PRR16: variants seen among roughly 807,000 people sequenced by gnomAD.
PRR16 encodes proline rich 16.
A neutral mutation model predicts 18.2 loss-of-function variants in PRR16; 6 were observed. That is an observed-to-expected ratio of 0.33 (90% confidence interval 0.18 to 0.65). PRR16 has a LOEUF of 0.65. Ranked by LOEUF, PRR16 falls within the 30% of genes least tolerant of loss-of-function variation. The probability of loss-of-function intolerance (pLI) is 0.74; values close to 1 mark genes in which losing one functional copy is unlikely to be tolerated. For missense variants in PRR16, 412 were observed against 376.6 expected (o/e 1.09, Z -0.78); for synonymous variants, 151 against 147.8 (o/e 1.02, Z -0.16).
chr5:120,737,010 G>A, the PRR16 span, among the ~76,000 whole-genome samples: 1 of 152,176 alleles, frequency 6.6e-6, no homozygotes, highest in African/African-American at 2.4e-5. Context: ...GATCTTTAGA[G>A]TGTTCTACAC....
At chr5:120,694,877 G>A in the PRR16 span, among the ~76,000 whole-genome samples, 1 of 152,018 alleles carries the variant, frequency 6.6e-6, no homozygotes, top group Non-Finnish European at 1.5e-5. Context: ...ATTCATACAA[G>A]AATAAACCAT....
chr5:120,704,356 T>TC, the PRR16 span, among the ~76,000 whole-genome samples: 1 of 152,084 alleles, frequency 6.6e-6, no homozygotes, highest in Non-Finnish European at 1.5e-5. Flanking sequence ...TTTCTTTTTT[T>TC]CCCTCCTTTC....
At chr5:120,506,193 A>G (rs1489056201) in intron 1 of PRR16, among the ~76,000 whole-genome samples, 1 of 152,020 alleles carries the variant, frequency 6.6e-6, no homozygotes, top group Non-Finnish European at 1.5e-5. Flanking sequence ...TTGAGTTACC[A>G]TGTGGGTATG....
intron 1 of PRR16, among the ~76,000 whole-genome samples, chr5:120,645,390 C>G (rs112311242): frequency 2.0e-5 from 3 of 150,510 alleles, no homozygotes; most frequent in South Asian, 2.1e-4. Flanking sequence ...CCATCCCCCC[C>G]CCACACACAC....
chr5:120,666,920 C>G (rs1359563421), intron 1 of PRR16, among the ~76,000 whole-genome samples: 3 of 145,098 alleles, frequency 2.1e-5, no homozygotes, highest in Non-Finnish European at 4.5e-5. Flanking sequence ...CTAAAATTCT[C>G]TTTTTTGGTT....
At chr5:120,571,126 T>A (rs1752892835) in intron 1 of PRR16, among the ~76,000 whole-genome samples, 1 of 152,196 alleles carries the variant, frequency 6.6e-6, no homozygotes, top group Non-Finnish European at 1.5e-5. Context: ...TGTGCTTTTA[T>A]AAGCTTGTGA....
intron 1 of PRR16, among the ~76,000 whole-genome samples, chr5:120,565,875 G>A (rs1412295203): frequency 6.6e-6 from 1 of 152,144 alleles, no homozygotes; most frequent in East Asian, 1.9e-4. Context: ...TTCTGTCACA[G>A]TATTTGACAC....
chr5:120,746,716 C>T, the PRR16 span, among the ~76,000 whole-genome samples: 9 of 151,764 alleles, frequency 5.9e-5, no homozygotes, highest in African/African-American at 2.2e-4. Context: ...TTTTCAAAAG[C>T]TCCTGGAGGT....
chr5:120,527,149 A>G (rs1751398685), intron 1 of PRR16, among the ~76,000 whole-genome samples: 1 of 152,184 alleles, frequency 6.6e-6, no homozygotes, highest in African/African-American at 2.4e-5. Flanking sequence ...CCAGATAGGA[A>G]CTATTTTAGG....
chr5:120,556,619 C>T (rs926132335), intron 1 of PRR16, among the ~76,000 whole-genome samples: 4 of 151,884 alleles, frequency 2.6e-5, no homozygotes, highest in African/African-American at 9.7e-5. Context: ...TTCATCTTTG[C>T]CATTTGCATG....
intron 1 of PRR16, among the ~76,000 whole-genome samples, chr5:120,667,029 G>T (rs1262249444): frequency 6.6e-6 from 1 of 150,912 alleles, no homozygotes; most frequent in African/African-American, 2.4e-5. Context: ...GTTTCAGAAG[G>T]AATGGTACCA....
chr5:120,562,693 T>C (rs1330291280), intron 1 of PRR16, among the ~76,000 whole-genome samples: 2 of 152,178 alleles, frequency 1.3e-5, no homozygotes, highest in Non-Finnish European at 2.9e-5. Context: ...AATACTGTCT[T>C]ATAACTCATT....
chr5:120,526,595 A>G (rs113524901), intron 1 of PRR16, among the ~76,000 whole-genome samples: 2 of 152,198 alleles, frequency 1.3e-5, no homozygotes, highest in African/African-American at 4.8e-5. Flanking sequence ...AGCCACTGCC[A>G]CATGTATCAA....
intron 1 of PRR16, among the ~76,000 whole-genome samples, chr5:120,677,498 A>G (rs1200671643): frequency 6.6e-6 from 1 of 152,156 alleles, no homozygotes; most frequent in Non-Finnish European, 1.5e-5. Flanking sequence ...AGAAATTCCT[A>G]TAGCTCCCAT....
At chr5:120,677,883 A>G (rs1402024344) in intron 1 of PRR16, among the ~76,000 whole-genome samples, 1 of 150,650 alleles carries the variant, frequency 6.6e-6, no homozygotes, top group African/African-American at 2.4e-5. Context: ...GAATTGGACT[A>G]AACTGCTTTT....
At chr5:120,465,312 C>T (rs1353681843) in intron 1 of PRR16, among the ~76,000 whole-genome samples, 2 of 152,246 alleles carry the variant, frequency 1.3e-5, no homozygotes, top group Non-Finnish European at 1.5e-5. Flanking sequence ...GCCTTCCCGC[C>T]ACCCTACCTC....
chr5:120,620,971 C>T (rs981222268), intron 1 of PRR16, among the ~76,000 whole-genome samples: 2 of 152,140 alleles, frequency 1.3e-5, no homozygotes, highest in South Asian at 4.1e-4. Context: ...AATTCTCTTT[C>T]TCCTTTAGTT....
chr5:120,655,374 C>T (rs1580839072), intron 1 of PRR16, among the ~76,000 whole-genome samples: 2 of 95,688 alleles, frequency 2.1e-5, no homozygotes, highest in Admixed American at 1.3e-4. Flanking sequence ...AATAATTGAC[C>T]TTTTTTTTTT....
chr5:120,622,612 G>A (rs1020379058), intron 1 of PRR16, among the ~76,000 whole-genome samples: 5 of 152,042 alleles, frequency 3.3e-5, no homozygotes, highest in African/African-American at 1.2e-4. Context: ...CCGAATAGCT[G>A]GGACTACAGG....
Sources: allele counts gnomAD v4.1 joint callset (sites outside exome capture counted in the v4.1 genomes callset), GRCh38; gene constraint gnomAD v4.1.1; transcripts MANE v1.5; gene names NCBI Gene and HGNC (gene_info 2026-07-23, HGNC 2026-07-21).